Variants in IQCM observed in about 807,000 individuals in gnomAD.
IQCM encodes IQ domain-containing protein M.
In IQCM, 45 loss-of-function variants were observed where a neutral mutation model predicts 57.6. The ratio of observed to expected loss-of-function variants is 0.78; its 90% CI spans 0.62 to 1.00. IQCM has a LOEUF of 1.00. Ranked by LOEUF, IQCM falls within the 50% of genes least tolerant of loss-of-function variation. The probability of loss-of-function intolerance (pLI) is 0.00; values close to 1 mark genes in which losing one functional copy is unlikely to be tolerated. For synonymous variants in IQCM, 148 were observed against 158.9 expected, an observed-to-expected ratio of 0.93 and a Z score of 0.51; for missense variants, 468 against 511.6, an observed-to-expected ratio of 0.91 and a Z score of 0.82.
chr4:149,766,957 T>TC (rs1770123019), intron 2 of IQCM, among the ~76,000 whole-genome samples: 2 of 152,076 alleles, frequency 1.3e-5, no homozygotes, highest in Admixed American at 6.6e-5. Context: ...TCATATTTTT[T>TC]CCTTACTTAG....
chr4:149,647,664 A>G (rs1758768211), intron 7 of IQCM, among the ~76,000 whole-genome samples: 1 of 151,196 alleles, frequency 6.6e-6, no homozygotes. Flanking sequence ...GCTTTTAAAA[A>G]TTGTTTCTCT....
intron 9 of IQCM, among the ~76,000 whole-genome samples, chr4:149,577,396 G>GC (rs1751759851): frequency 6.6e-6 from 1 of 151,800 alleles, no homozygotes; most frequent in African/African-American, 2.4e-5. Flanking sequence ...TCCGTCTTGA[G>GC]TTGATTTTTG....
chr4:149,754,714 C>A (rs1429319170), intron 2 of IQCM, among the ~76,000 whole-genome samples: 1 of 152,142 alleles, frequency 6.6e-6, no homozygotes, highest in Non-Finnish European at 1.5e-5. Context: ...TCTCACTGAC[C>A]TCAGCATATT....
chr4:149,769,027 T>G (rs1300042080), intron 2 of IQCM, among the ~76,000 whole-genome samples: 1 of 152,138 alleles, frequency 6.6e-6, no homozygotes, highest in Admixed American at 6.6e-5. Flanking sequence ...GAGTGAAATA[T>G]CCAAATAATC....
intron 12 of IQCM, among the ~76,000 whole-genome samples, chr4:149,488,568 C>T (rs1503693): frequency 0.15 from 23,292 of 152,030 alleles, 2,152 homozygotes; most frequent in South Asian, 0.33. Context: ...ACACTTCACG[C>T]TGCTGTTTTT....
Position 149,599,805 on chromosome 4 carries a change from T to C in IQCM, c.682-11808A>G, listed in dbSNP as rs192123114. Among the ~76,000 whole-genome samples, 361 of 152,304 alleles carry C rather than the reference T, an allele frequency of 2.4e-3. 1 individual carries two copies. The highest frequency in any genetic ancestry group is 3.6e-3 in the Non-Finnish European group (247 of 68,020). On this transcript the variant is annotated intron_variant, in intron 8 of 13. Coordinates refer to ENST00000636793, the MANE Select transcript of IQCM (RefSeq NM_001363507.2). ...AGCTGCTGCCAGGTGTTAATTACTT[T>C]ATTCTGAAGTTTTAAATTGTACAAG...
intron 13 of IQCM, among the ~76,000 whole-genome samples, chr4:149,364,957 G>T (rs1729732622): frequency 6.6e-6 from 1 of 151,688 alleles, no homozygotes; most frequent in Non-Finnish European, 1.5e-5. Flanking sequence ...AAATGCACAT[G>T]GATACAGATG....
intron 7 of IQCM, 98 bp from the exon 8 acceptor site, chr4:149,621,342 T>C: frequency 2.2e-6 from 1 of 447,552 alleles, no homozygotes. Context: ...GCAAATCATC[T>C]TTATGGCCTC....
intron 2 of IQCM, among the ~76,000 whole-genome samples, chr4:149,783,261 T>C (rs968417159): frequency 7.9e-5 from 12 of 152,234 alleles, no homozygotes; most frequent in Non-Finnish European, 1.8e-4. Flanking sequence ...TCAATTCATT[T>C]CTTCAATTTT....
chr4:149,590,296 G>C (rs1202910959), intron 8 of IQCM, among the ~76,000 whole-genome samples: 1 of 101,024 alleles, frequency 9.9e-6, no homozygotes, highest in African/African-American at 3.9e-5. Context: ...AGTAAATATC[G>C]CCTTTGTTAT....
intron 12 of IQCM, among the ~76,000 whole-genome samples, chr4:149,464,722 C>A (rs1052141811): frequency 2.6e-5 from 4 of 152,096 alleles, no homozygotes; most frequent in Non-Finnish European, 4.4e-5. Context: ...CTCAACAGAA[C>A]TTTGTGGAAT....
At chr4:149,602,614 CCT>C (rs1754414990) in intron 8 of IQCM, among the ~76,000 whole-genome samples, 1 of 151,682 alleles carries the variant, frequency 6.6e-6, no homozygotes, top group South Asian at 2.1e-4. Flanking sequence ...TTCCATAACC[CCT>C]GATGTCTTCA....
chr4:149,388,798 C>G (rs1578887926), intron 13 of IQCM, among the ~76,000 whole-genome samples: 1 of 146,504 alleles, frequency 6.8e-6, no homozygotes, highest in Admixed American at 6.9e-5. Flanking sequence ...CACATATAAT[C>G]AGAGAAAGGA....
intron 9 of IQCM, among the ~76,000 whole-genome samples, chr4:149,581,612 C>A (rs1752189908): frequency 6.6e-6 from 1 of 151,374 alleles, no homozygotes; most frequent in Admixed American, 6.6e-5. Context: ...GAGTTATTGC[C>A]CTTGGGAAGT....
At chr4:149,731,207 G>A (rs971163507) in intron 5 of IQCM, among the ~76,000 whole-genome samples, 3 of 152,184 alleles carry the variant, frequency 2.0e-5, no homozygotes, top group Non-Finnish European at 4.4e-5. Context: ...CTTTGAGGAA[G>A]TGATTAAGTT....
chr4:149,354,004 T>G (rs1728750938), intron 13 of IQCM, among the ~76,000 whole-genome samples: 1 of 152,204 alleles, frequency 6.6e-6, no homozygotes, highest in Admixed American at 6.5e-5. Context: ...ACTATTTTAC[T>G]ATTTATATGT....
chr4:149,556,352 A>T (rs1749580036), intron 10 of IQCM, among the ~76,000 whole-genome samples: 1 of 151,620 alleles, frequency 6.6e-6, no homozygotes, highest in Non-Finnish European at 1.5e-5. Flanking sequence ...TTCCGCCATC[A>T]CATGACCCTT....
At chr4:149,666,425 C>G (rs970035585) in intron 7 of IQCM, among the ~76,000 whole-genome samples, 1 of 152,154 alleles carries the variant, frequency 6.6e-6, no homozygotes, top group Non-Finnish European at 1.5e-5. Context: ...ATGGTCTTTG[C>G]AATCCACAGA....
At chr4:149,487,093 C>T (rs1311941183) in intron 12 of IQCM, among the ~76,000 whole-genome samples, 1 of 152,090 alleles carries the variant, frequency 6.6e-6, no homozygotes, top group African/African-American at 2.4e-5. Context: ...CAGTGTACTC[C>T]CTGGTATCAC....
Sources: allele counts gnomAD v4.1 joint callset (sites outside exome capture counted in the v4.1 genomes callset), GRCh38; gene constraint gnomAD v4.1.1; transcripts MANE v1.5; gene names NCBI Gene and HGNC (gene_info 2026-07-23, HGNC 2026-07-21).